ULK1: variants seen among roughly 807,000 people sequenced by gnomAD.
The protein encoded by ULK1 is serine/threonine-protein kinase ULK1.
Under a neutral mutation model 117.5 loss-of-function variants are expected in ULK1, and 48 were observed. That is an observed-to-expected ratio of 0.41 (90% CI 0.32 to 0.52). The LOEUF is 0.52. ULK1 is among the 20% of genes least tolerant of loss of function. The pLI is 0.29. For synonymous variants in ULK1, 790 were observed against 637.8 expected, an observed-to-expected ratio of 1.24 and a Z score of -3.60; for missense variants, 1,387 against 1,473.4, an observed-to-expected ratio of 0.94 and a Z score of 0.96.
At position 131,903,738 on chromosome 12, in the gene ULK1, G is replaced by T. The variant is rs1252323706; in HGVS notation, c.247-3154G>T. On this transcript the variant is annotated intron_variant, in intron 3 of 27. Coordinates refer to ENST00000321867, the MANE Select transcript of ULK1 (RefSeq NM_003565.4). This position sits in a 1 kb window ranked among gnomAD's most constrained non-coding sequence, Gnocchi z 6.0. ...AGGAGAGAGGCTGAGCATGGGCCAG[G>T]CCTTGGTTTCTGCAAGGGACCATTT... Among the ~76,000 whole-genome samples the T allele has an allele frequency of 1.3e-5, 2 of 152,144 alleles. No individual in the cohort carries two copies. The highest frequency in any genetic ancestry group is 4.8e-5 in the African/African-American group (2 of 41,410).
In ULK1 at chr12:131,922,121, G is replaced by A. The variant is rs7138581; in HGVS notation, c.*760G>A. 4.9e-6 allele frequency: 2 copies of A among 411,602 alleles called. No individual in the cohort carries two copies. Among genetic ancestry groups the A allele is most frequent in the Non-Finnish European group, 9.8e-6 (2 of 204,966 alleles). The allele number at this position is 411,602 out of a possible 1,614,324, so 25.5% of individuals were successfully genotyped here. Reference sequence around the variant, plus strand: ...GTTCTCTCAGCCCTGGATACGTCTTGTAATCTTTCACACTTTATTCCTAAA... The same window carrying A: ...GTTCTCTCAGCCCTGGATACGTCTTATAATCTTTCACACTTTATTCCTAAA... On this transcript the variant is annotated 3_prime_UTR_variant, in exon 28 of 28. Transcript: ENST00000321867.
At chr12:131,917,263 ACGGGGGTCGGGTTCG>A (rs1889873414) in intron 21 of ULK1, 133 bp from the exon 22 acceptor site, 4 of 675,676 alleles carry the variant, frequency 5.9e-6, no homozygotes, top group Admixed American at 6.2e-5. Context: ...AGGCTGTGGG[ACGGGGGTCGGGTTCG>A]GCTCGGAGGC....
Position 131,921,520 on chromosome 12 carries a change from C to T in ULK1, c.*159C>T, listed in dbSNP as rs1401518807. The T allele has an allele frequency of 9.3e-7, 1 of 1,080,098 alleles. No individual in the cohort carries two copies. Among genetic ancestry groups the T allele is most frequent in the Non-Finnish European group, 1.4e-6 (1 of 731,132 alleles). 66.9% of individuals were successfully genotyped at this position (1,080,098 alleles called of 1,614,324 possible). On this transcript the variant is annotated 3_prime_UTR_variant, in exon 28 of 28. Transcript: ENST00000321867. ...TCAGCCTGCCGGCCTCCCTGCAGCT[C>T]ACGGGGCAGAACCAGCACATCTGGA... is the stretch of plus-strand genomic sequence containing the variant.
chr12:131,913,847 C>A lies in ULK1; in HGVS notation c.1247+11C>A. The A allele has an allele frequency of 1.3e-6, 2 of 1,507,320 alleles. No homozygotes were observed. The highest frequency in any genetic ancestry group is 1.3e-5 in the South Asian group (1 of 76,866). 93.4% of individuals were successfully genotyped at this position (1,507,320 alleles called of 1,614,324 possible). On this transcript the variant is annotated intron_variant, in intron 15 of 27. Coordinates refer to ENST00000321867, the MANE Select transcript of ULK1 (RefSeq NM_003565.4). ...CCCCAGTCCCTCAGGGTAAGCAGGG[C>A]CCCAGGCTGGGTGGATGGGGCTGTG...
chr12:131,905,873 G>A (rs921430680), intron 3 of ULK1, among the ~76,000 whole-genome samples: 13 of 152,126 alleles, frequency 8.5e-5, no homozygotes, highest in Non-Finnish European at 1.8e-4. Context: ...AGGAAAGGGC[G>A]GGGTACTGGT....
At chr12:131,910,202 T>TG (rs1259885868) in intron 10 of ULK1, 52 bp from the exon 11 acceptor site, 1 of 1,609,258 alleles carries the variant, frequency 6.2e-7, no homozygotes, top group East Asian at 2.2e-5. Context: ...GGCAGGGGCC[T>TG]GGGGTCAGAG....
chr12:131,917,018 A>G lies in ULK1; in HGVS notation c.2138A>G (p.Asp713Gly), dbSNP rs200133826. 6 of 1,464,156 alleles carry G rather than the reference A, an allele frequency of 4.1e-6. No individual in the cohort carries two copies. The highest frequency in any genetic ancestry group is 1.1e-5 in the South Asian group (1 of 88,584). 90.7% of individuals were successfully genotyped at this position (1,464,156 alleles called of 1,614,324 possible). ...LKAAFGTQAPDPGSTESLQEK... is the reference protein window; with the variant it reads ...LKAAFGTQAPGPGSTESLQEK... ...GCGGCGTTTGGGACACAAGCCCCGG[A>G]CCCGGGCAGCACGGAGAGCCTGCAG... Residue 713 changes from aspartate (D) to glycine (G), a missense_variant, in exon 21 of 28, where the codon GAC becomes GGC. Asp to Gly is a moderately conservative substitution (Grantham distance 94). Transcript: ENST00000321867.
chr12:131,918,361 G>A (rs1392410801), intron 22 of ULK1, 136 bp from the exon 23 acceptor site: 3 of 1,070,208 alleles, frequency 2.8e-6, no homozygotes, highest in Admixed American at 2.6e-5. Context: ...TTCTCCTGTT[G>A]GAGCATTGGG....
In ULK1 at chr12:131,921,230, C is replaced by T. The variant is rs1890136486; in HGVS notation, c.3092C>T (p.Thr1031Ile). The change falls in exon 27 of 28, where the codon ACC becomes ATC. Residue 1031 changes from threonine to isoleucine, a missense_variant. By Grantham distance (89) the Thr-to-Ile change is moderately conservative (BLOSUM62 -1). Around this residue, in one of 4 missense-constraint regions of ULK1, gnomAD observed 900 missense variants for 858.9 expected, o/e 1.05. Coordinates refer to ENST00000321867, the MANE Select transcript of ULK1 (RefSeq NM_003565.4). ...GACCAGGCCGACATCGAGAACGTCA[C>T]CAAGTGTGAGTGCCCGGCTGGGCTG... ...LSDQADIENV[T>I]KCKLCIERRL... 6.2e-7 allele frequency: 1 copy of T among 1,607,884 alleles called. No individual in the cohort carries two copies. The highest frequency in any genetic ancestry group is 2.2e-5 in the East Asian group (1 of 44,852).
At position 131,916,026 on chromosome 12, in the gene ULK1, T is replaced by G. The variant is rs1566124847; in HGVS notation, c.1745T>G (p.Phe582Cys). Reference protein sequence around the residue: ...KPPTDPLGAVFSPPQASPPQP... With the variant: ...KPPTDPLGAVCSPPQASPPQP... ...CCCACGGACCCCCTGGGAGCTGTGTTCAGCCCACCACAGGCCAGCCCTCCC... is the reference window on the plus strand; with the variant it reads ...CCCACGGACCCCCTGGGAGCTGTGTGCAGCCCACCACAGGCCAGCCCTCCC... The change falls in exon 19 of 28, where the codon TTC (phenylalanine) becomes TGC (cysteine). Residue 582 changes from phenylalanine (F) to cysteine (C), a missense_variant. Around this residue, in one of 4 missense-constraint regions of ULK1, gnomAD observed 900 missense variants for 858.9 expected, o/e 1.05. Coordinates refer to ENST00000321867, the MANE Select transcript of ULK1 (RefSeq NM_003565.4). The G allele has an allele frequency of 7.4e-6, 12 of 1,612,076 alleles. No homozygotes were observed. Among genetic ancestry groups the G allele is most frequent in the Non-Finnish European group, 1.0e-5 (12 of 1,179,666 alleles).
In ULK1 at chr12:131,904,565, G is replaced by A. The variant is rs139896091; in HGVS notation, c.247-2327G>A. ...AGGGAGCTCCTGTCCCACACAGCCC[G>A]GTCCTGGGTGAGTGGCTGGGGGATG... On this transcript the variant is annotated intron_variant, in intron 3 of 27. Transcript: ENST00000321867. Among the ~76,000 whole-genome samples, 587 of 152,306 alleles carry A rather than the reference G, an allele frequency of 3.9e-3. 5 individuals carry two copies. Among genetic ancestry groups the A allele is most frequent in the African/African-American group, 0.014 (570 of 41,560 alleles).
At chr12:131,895,973 C>A (rs546663285) in intron 3 of ULK1, 149 bp downstream of exon 3, 2 of 985,106 alleles carry the variant, frequency 2.0e-6, no homozygotes, top group South Asian at 1.4e-5. Flanking sequence ...CAGGCCTGGG[C>A]TGGTGCTGGC....
intron 5 of ULK1, 111 bp from the exon 6 acceptor site, chr12:131,908,533 C>A: frequency 7.6e-7 from 1 of 1,309,634 alleles, no homozygotes; most frequent in Middle Eastern, 2.7e-4. Context: ...TCCCGGCCTG[C>A]GGCCCTGCCT....
intron 3 of ULK1, among the ~76,000 whole-genome samples, chr12:131,898,443 C>T (rs1232634678): frequency 6.6e-6 from 1 of 152,122 alleles, no homozygotes; most frequent in African/African-American, 2.4e-5. Flanking sequence ...GAGGGTGGCT[C>T]TCAGAGGTTT....
At chr12:131,909,115 A>T (rs748508281) in intron 7 of ULK1, 21 bp from the exon 8 acceptor site, 2 of 1,601,070 alleles carry the variant, frequency 1.2e-6, no homozygotes, top group Non-Finnish European at 1.7e-6. Context: ...CCTCACACTG[A>T]CCCGACTTCT....
At chr12:131,911,238 C>T (rs1330865093) in intron 12 of ULK1, among the ~76,000 whole-genome samples, 1 of 152,184 alleles carries the variant, frequency 6.6e-6, no homozygotes, top group Non-Finnish European at 1.5e-5. Flanking sequence ...AACCCCCGTC[C>T]CTCTGTCCAT....
At chr12:131,915,522 T>G (rs1278778104) in intron 18 of ULK1, 101 bp downstream of exon 18, 1 of 1,404,592 alleles carries the variant, frequency 7.1e-7, no homozygotes, top group Non-Finnish European at 9.6e-7. Flanking sequence ...TGAAAAGGAG[T>G]GGGAAGGAAG....
Position 131,912,026 on chromosome 12 carries a change from G to C in ULK1, c.1033G>C (p.Gly345Arg), listed in dbSNP as rs140015869. ...AGFLHSSRDS[G>R]GSKDSSCDTD... ...CTTCCTGCACAGCTCCCGGGACTCT[G>C]GTGGCAGCAAGGACTCTTCCTGTGA... is the stretch of plus-strand genomic sequence containing the variant. Residue 345 changes from glycine (G) to arginine (R), a missense_variant, in exon 13 of 28, where the codon GGT (glycine) becomes CGT (arginine). Gly to Arg is a moderately radical substitution (Grantham distance 125, BLOSUM62 -2). Around this residue, in one of 4 missense-constraint regions of ULK1, gnomAD observed 260 missense variants for 271.6 expected, o/e 0.96. Transcript: ENST00000321867. 1 of 1,612,778 alleles carries C rather than the reference G, an allele frequency of 6.2e-7. No individual in the cohort carries two copies. Among genetic ancestry groups the C allele is most frequent in the South Asian group, 1.1e-5 (1 of 91,086 alleles).
chr12:131,906,062 G>A (rs559344798), intron 3 of ULK1, among the ~76,000 whole-genome samples: 8 of 152,264 alleles, frequency 5.3e-5, no homozygotes, highest in East Asian at 3.9e-4. Context: ...AGGCCTCTGC[G>A]TCAACCTGGC....
Sources: allele counts gnomAD v4.1 joint callset (sites outside exome capture counted in the v4.1 genomes callset), GRCh38; gene constraint gnomAD v4.1.1; regional missense constraint gnomAD v4.1.1; non-coding constraint Gnocchi (gnomAD v3.1); transcripts MANE v1.5; gene names NCBI Gene and HGNC (gene_info 2026-07-23, HGNC 2026-07-21).